Variants in RBIS observed in about 807,000 individuals in gnomAD.
RBIS encodes the protein ribosome biogenesis factor identified in screen.
RBIS carries 9 observed loss-of-function variants against 9.8 expected under a neutral mutation model. That is an observed-to-expected ratio of 0.92 (90% CI 0.56 to 1.61). The LOEUF (loss-of-function observed/expected upper bound fraction) is 1.61. Among genes scored for constraint, RBIS ranks in the 40% most tolerant of loss-of-function variants. RBIS has a pLI of 0.00. For synonymous variants in RBIS, 35 were observed against 37.9 expected, an observed-to-expected ratio of 0.92 and a Z score of 0.28; for missense variants, 103 against 116.0, an observed-to-expected ratio of 0.89 and a Z score of 0.51.
At position 85,217,421 on chromosome 8, in the gene RBIS, T is replaced by C; in HGVS notation, c.79A>G (p.Asn27Asp). 1 of 1,612,480 alleles carries C rather than the reference T, an allele frequency of 6.2e-7. No homozygotes were observed. Among genetic ancestry groups the C allele is most frequent in the Non-Finnish European group, 8.5e-7 (1 of 1,179,000 alleles). Residue 27 changes from asparagine (N) to aspartate (D), a missense_variant, in exon 2 of 4, where the codon AAC becomes GAC. Coordinates refer to ENST00000619594, the MANE Select transcript of RBIS (RefSeq NM_001099673.3). Reference protein sequence around the residue: ...IASQKNFKAKNKAKPVTTNLK... With the variant: ...IASQKNFKAKDKAKPVTTNLK... ...TTAGTGGTAACTGGTTTTGCTTTGT[T>C]TTTAGCCTTAAAGTTTTTTTGGCTG...
At chr8:85,217,607 CTTGA>C (rs573234665) in intron 1 of RBIS, 105 bp from the exon 2 acceptor site, 93 of 720,320 alleles carry the variant, frequency 1.3e-4, no homozygotes, top group Non-Finnish European at 2.0e-4. Context: ...CTATCTTACT[CTTGA>C]TTATTTTTAA....
intron 1 of RBIS, chr8:85,217,805 C>T (rs1466790243): frequency 5.9e-6 from 2 of 339,188 alleles, no homozygotes; most frequent in East Asian, 1.3e-4. Flanking sequence ...CTCAGCAGTA[C>T]CTCACCACCC....
chr8:85,216,400 C>T (rs764193307), intron 2 of RBIS: 3 of 152,172 alleles, frequency 2.0e-5, no homozygotes, highest in Non-Finnish European at 4.4e-5. Context: ...GCAGCCTACC[C>T]ATAGATCTCT....
chr8:85,217,573 G>T, intron 1 of RBIS, 71 bp from the exon 2 acceptor site: 1 of 953,122 alleles, frequency 1.0e-6, no homozygotes, highest in Non-Finnish European at 1.7e-6. Flanking sequence ...AGTTTTTAAA[G>T]GTACCAATTA....
intron 1 of RBIS, chr8:85,218,726 G>C (rs914120960): frequency 6.6e-6 from 1 of 152,320 alleles, no homozygotes; most frequent in African/African-American, 2.4e-5. Context: ...CAGCTACTCG[G>C]GAGACTGAGG....
At chr8:85,217,225 C>CTTTTTTTTTT in intron 2 of RBIS, 161 bp downstream of exon 2, 1 of 654,878 alleles carries the variant, frequency 1.5e-6, no homozygotes, top group Non-Finnish European at 2.7e-6. Flanking sequence ...ATTTTTCTTC[C>CTTTTTTTTTT]TTTTTTTTTA....
At position 85,214,969 on chromosome 8, in the gene RBIS, A is replaced by G. The variant is rs763983744; in HGVS notation, c.183T>C (p.Leu61=). 4 of 1,596,462 alleles carry G rather than the reference A, an allele frequency of 2.5e-6. No homozygotes were observed. The highest frequency in any genetic ancestry group is 2.2e-5 in the East Asian group (1 of 44,606). The change falls in exon 3 of 4, where the codon CTT becomes CTC. Residue 61 remains leucine, a synonymous_variant. Transcript: ENST00000619594. ...GTGAAATGCTTTTTGCGAAATGTGC[A>G]AGTTCCTTTTGTACATTTACAAAAG... The part of the protein sequence containing the change: ...NKAFVNVQKE[L]AHFAKSISLE...
intron 2 of RBIS, chr8:85,217,097 C>T (rs1024851573): frequency 5.0e-5 from 28 of 554,848 alleles, no homozygotes; most frequent in Non-Finnish European, 8.8e-5. Flanking sequence ...AACTGTTTCC[C>T]ATACTATGGT....
rs776576390 is a variant in RBIS, at chr8:85,217,320, G to C, written c.114+66C>G. 4 of 916,256 alleles carry C rather than the reference G, an allele frequency of 4.4e-6. No homozygotes were observed. In the African/African-American group the frequency reaches 6.5e-5, roughly 15 times the overall value. The allele number at this position is 916,256 out of a possible 1,614,324, so 56.8% of individuals were successfully genotyped here. On this transcript the variant is annotated intron_variant, in intron 2 of 3. Coordinates refer to ENST00000619594, the MANE Select transcript of RBIS (RefSeq NM_001099673.3). ...TTTTAAAAAGTAATAGTATACAGCT[G>C]TTCAGTAGCTTACAATGACACTTTG... is the stretch of plus-strand genomic sequence containing the variant.
intron 1 of RBIS, 103 bp from the exon 2 acceptor site, chr8:85,217,605 CT>C (rs1813204005): frequency 1.4e-6 from 1 of 725,578 alleles, no homozygotes; most frequent in African/African-American, 1.8e-5. Context: ...TTCTATCTTA[CT>C]CTTGATTATT....
At chr8:85,220,153 G>T (rs774678064) in intron 1 of RBIS, among the ~76,000 whole-genome samples, 153 bp downstream of exon 1, 1 of 152,346 alleles carries the variant, frequency 6.6e-6, no homozygotes, top group South Asian at 2.1e-4. Flanking sequence ...AAGCACCGGG[G>T]TTTCGGGCCT....
At chr8:85,218,982 TC>T (rs1167436041) in intron 1 of RBIS, 1 of 152,238 alleles carries the variant, frequency 6.6e-6, no homozygotes, top group Non-Finnish European at 1.5e-5. Flanking sequence ...GTCTGCCAAC[TC>T]CTGGCTTAAG....
In RBIS at chr8:85,214,071, T is replaced by C; in HGVS notation, c.*489A>G. 6 of 586,880 alleles carry C rather than the reference T, an allele frequency of 1.0e-5. No individual in the cohort carries two copies. In the South Asian group the frequency reaches 1.0e-4, roughly 10 times the overall value. 36.4% of individuals were successfully genotyped at this position (586,880 alleles called of 1,614,324 possible). On this transcript the variant is annotated 3_prime_UTR_variant, in exon 4 of 4. Transcript: ENST00000619594. The stretch of plus-strand genomic sequence containing the variant: ...GCTTTAGGGGATAAGTGATTTAATA[T>C]CCACAAACGTCCCCACTCCCAAAAG...
Position 85,217,431 on chromosome 8 carries a change from A to T in RBIS, c.69T>A (p.Phe23Leu). 6.2e-7 allele frequency: 1 copy of T among 1,612,870 alleles called. No individual in the cohort carries two copies. Among genetic ancestry groups the T allele is most frequent in the Non-Finnish European group, 8.5e-7 (1 of 1,179,532 alleles). The change falls in exon 2 of 4, where the codon TTT becomes TTA. Residue 23 changes from phenylalanine to leucine, a missense_variant. Phe to Leu is a conservative substitution (Grantham distance 22). Coordinates refer to ENST00000619594, the MANE Select transcript of RBIS (RefSeq NM_001099673.3). Reference protein sequence around the residue: ...NVFHIASQKNFKAKNKAKPVT... With the variant: ...NVFHIASQKNLKAKNKAKPVT... ...CTGGTTTTGCTTTGTTTTTAGCCTT[A>T]AAGTTTTTTTGGCTGGCTATGTGAA...
At chr8:85,219,804 A>G (rs529553641) in intron 1 of RBIS, among the ~76,000 whole-genome samples, 1 of 152,294 alleles carries the variant, frequency 6.6e-6, no homozygotes, top group South Asian at 2.1e-4. Context: ...TTCATCTAGT[A>G]TAAATCAATT....
chr8:85,217,885 T>A (rs1813213453), intron 1 of RBIS, among the ~76,000 whole-genome samples: 1 of 152,210 alleles, frequency 6.6e-6, no homozygotes, highest in African/African-American at 2.4e-5. Context: ...TGATTCTGCC[T>A]CCTTCTTGAC....
In RBIS at chr8:85,214,552, C is replaced by T; in HGVS notation, c.*8G>A. On this transcript the variant is annotated 3_prime_UTR_variant, in exon 4 of 4. Transcript: ENST00000619594. Reference sequence around the variant, plus strand: ...TCTTTGTGGAGAATTAGATGCATCACCAGTATATTACAACAGAGCCATTAA... The same window carrying T: ...TCTTTGTGGAGAATTAGATGCATCATCAGTATATTACAACAGAGCCATTAA... 1 of 1,510,754 alleles carries T rather than the reference C, an allele frequency of 6.6e-7. No homozygotes were observed. Among genetic ancestry groups the T allele is most frequent in the South Asian group, 1.2e-5 (1 of 86,844 alleles). 93.6% of individuals were successfully genotyped at this position (1,510,754 alleles called of 1,614,324 possible).
At position 85,215,042 on chromosome 8, in the gene RBIS, T is replaced by TAAAAA; in HGVS notation, c.115-10_115-6dup. On this transcript the variant is annotated splice_region_variant and splice_polypyrimidine_tract_variant and intron_variant, in intron 2 of 3. Coordinates refer to ENST00000619594, the MANE Select transcript of RBIS (RefSeq NM_001099673.3). The stretch of plus-strand genomic sequence containing the variant: ...TTCCTCATTCATAATGTTTATCTTT[T>TAAAAA]AAAAAGAAAAAAAGCATTAATCTAT... 8.3e-7 allele frequency: 1 copy of TAAAAA among 1,205,558 alleles called. No individual in the cohort carries two copies. Among genetic ancestry groups the TAAAAA allele is most frequent in the Non-Finnish European group, 1.2e-6 (1 of 844,574 alleles). 74.7% of individuals were successfully genotyped at this position (1,205,558 alleles called of 1,614,324 possible).
chr8:85,215,933 C>G (rs539477580), intron 2 of RBIS: 11 of 152,318 alleles, frequency 7.2e-5, no homozygotes, highest in Non-Finnish European at 1.6e-4. Context: ...CCTGTGGAAT[C>G]TGACGCTATC....
Sources: allele counts gnomAD v4.1 joint callset (sites outside exome capture counted in the v4.1 genomes callset), GRCh38; gene constraint gnomAD v4.1.1; transcripts MANE v1.5; gene names NCBI Gene and HGNC (gene_info 2026-07-23, HGNC 2026-07-21).